The following NEB variants were observed in gnomAD, a reference collection of about 807,000 sequenced individuals.
NEB encodes nemaline myopathy type 2.
A neutral mutation model predicts 952.2 loss-of-function variants in NEB; 512 were observed. The observed-to-expected ratio is 0.54, with a 90% confidence interval of 0.50 to 0.58. NEB has a LOEUF of 0.58. Among genes scored for constraint, NEB ranks in the 20% least tolerant of loss-of-function variants. NEB has a pLI of 0.00. For missense variants in NEB, 8,428 were observed against 9,231.1 expected (o/e 0.91, Z 3.56); for synonymous variants, 2,900 against 3,149.8 (o/e 0.92, Z 2.66).
intron 57 of NEB, 59 bp from the exon 58 acceptor site, chr2:151,643,412 T>C: frequency 7.1e-7 from 1 of 1,404,806 alleles, no homozygotes; most frequent in East Asian, 2.4e-5. Context: ...TTTGTCATAA[T>C]TTGTCATAAT....
At chr2:151,640,695 C>G in intron 60 of NEB, 29 bp from the exon 61 acceptor site, 1 of 1,581,882 alleles carries the variant, frequency 6.3e-7, no homozygotes, top group Non-Finnish European at 8.6e-7. Context: ...AGATAGTCAT[C>G]TGTTTTAACT....
chr2:151,565,691 T>C, intron 115 of NEB, 25 bp downstream of exon 115: 4 of 1,598,336 alleles, frequency 2.5e-6, no homozygotes, highest in Non-Finnish European at 3.4e-6. Context: ...AGGCATAGGT[T>C]AGAAGGAGAA....
rs200304547 is a variant in NEB at position 151,526,011 on chromosome 2, G to A, written c.22108C>T (p.Pro7370Ser). 2.5e-6 allele frequency: 4 copies of A among 1,613,884 alleles called. No individual in the cohort carries two copies. The highest frequency in any genetic ancestry group is 2.5e-6 in the Non-Finnish European group (3 of 1,179,882). ...HLAQGSYTTL[P>S]ETRDTVHVKE... The stretch of plus-strand genomic sequence containing the variant: ...ACGTGAACAGTGTCCCGGGTCTCTG[G>A]TAGTGTTGTGTATGAGCCCTGTGCC... Residue 7370 changes from proline to serine, a missense_variant, in exon 150 of 182, where the codon CCA becomes TCA. Coordinates refer to ENST00000397345, the MANE Select transcript of NEB (RefSeq NM_001164508.2).
intron 39 of NEB, 128 bp from the exon 40 acceptor site, chr2:151,668,039 G>T: frequency 1.5e-6 from 1 of 660,100 alleles, no homozygotes; most frequent in Non-Finnish European, 2.5e-6. Context: ...TATGAAGTTA[G>T]GACTATTAGT....
intron 54 of NEB, among the ~76,000 whole-genome samples, chr2:151,649,218 T>C (rs1411477034): frequency 1.3e-5 from 2 of 152,186 alleles, no homozygotes; most frequent in East Asian, 3.8e-4. Flanking sequence ...TAAACATTCA[T>C]AATGAAGCTG....
At chr2:151,644,724 T>C (rs111919312) in intron 55 of NEB, 149 bp from the exon 56 acceptor site, 13 of 703,224 alleles carry the variant, frequency 1.8e-5, no homozygotes, top group African/African-American at 3.6e-5. Flanking sequence ...TGCCCATTGA[T>C]TGCTAATGAT....
Position 151,650,670 on chromosome 2 carries a change from A to G in NEB, c.7131T>C (p.Ser2377=). 1 of 1,613,906 alleles carries G rather than the reference A, an allele frequency of 6.2e-7. No homozygotes were observed. Among genetic ancestry groups the G allele is most frequent in the East Asian group, 2.2e-5 (1 of 44,876 alleles). ...GCAGGTAGTTCTTGTAGTCCACGTC[A>G]CTAACCAACTCCTGACACTTCTTGG... is the stretch of plus-strand genomic sequence containing the variant. ...VLAKKCQELV[S]DVDYKNYLHQ... is the part of the protein sequence containing the mutation. Residue 2377 remains serine (S), a synonymous_variant, in exon 53 of 182, where the codon AGT becomes AGC. Coordinates refer to ENST00000397345, the MANE Select transcript of NEB (RefSeq NM_001164508.2).
At chr2:151,577,703 T>C (rs748849840) in intron 105 of NEB, among the ~76,000 whole-genome samples, 2 of 152,072 alleles carry the variant, frequency 1.3e-5, no homozygotes, top group Non-Finnish European at 2.9e-5. Flanking sequence ...CTCAGCCTCC[T>C]GTGTAGCTGG....
In NEB at chr2:151,555,118, C is replaced by G. The variant is rs781003046; in HGVS notation, c.19315-74G>C. 1.8e-4 allele frequency: 199 copies of G among 1,093,196 alleles called. No homozygotes were observed. The Middle Eastern group carries it at 5.8e-3, about 32-fold the overall frequency. 67.7% of individuals were successfully genotyped at this position (1,093,196 alleles called of 1,614,324 possible). The stretch of plus-strand genomic sequence containing the variant: ...TTTATATTATTAAAACAGCATAAGA[C>G]TTAATGGGAAAAACCCGACTCTGAG... On this transcript the variant is annotated intron_variant, in intron 124 of 181. Coordinates refer to ENST00000397345, the MANE Select transcript of NEB (RefSeq NM_001164508.2).
At position 151,671,156 on chromosome 2, in the gene NEB, T is replaced by C. The variant is rs750676739; in HGVS notation, c.4373A>G (p.Glu1458Gly). Residue 1458 changes from glutamate (E) to glycine (G), a missense_variant, in exon 38 of 182, where the codon GAG (glutamate) becomes GGG (glycine). Glu to Gly is a moderately conservative substitution (Grantham distance 98, BLOSUM62 -2). This residue lies in a region of NEB where 2,851 missense variants were observed against 2,791.5 expected (regional missense o/e 1.02). Coordinates refer to ENST00000397345, the MANE Select transcript of NEB (RefSeq NM_001164508.2). ...TGCATCGCCTGCTTTCTTGACCTTC[T>C]CCACCTCCAGGGAACCAATAGGGAT... ...GWIPIGSLEV[E>G]KVKKAGDALN... 5.0e-6 allele frequency: 8 copies of C among 1,613,938 alleles called. No homozygotes were observed. Among genetic ancestry groups the C allele is most frequent in the Non-Finnish European group, 6.8e-6 (8 of 1,179,846 alleles).
At chr2:151,543,211 TTAATG>T (rs1311518697) in intron 135 of NEB, among the ~76,000 whole-genome samples, 1 of 152,296 alleles carries the variant, frequency 6.6e-6, no homozygotes, top group East Asian at 1.9e-4. Context: ...TTGAAGGAAT[TTAATG>T]TAATGCGGCA....
In NEB at chr2:151,631,193, C is replaced by A. The variant is rs781238222; in HGVS notation, c.9568G>T (p.Asp3190Tyr). The part of the protein sequence containing the change: ...PDKLKFTSVT[D>Y]SLEQVLAKNN... Reference sequence around the variant, plus strand: ...TTGGCCAGCACCTGCTCTAGAGAATCAGTCACACTGGTAAATTTCAGCTTG... The same window carrying A: ...TTGGCCAGCACCTGCTCTAGAGAATAAGTCACACTGGTAAATTTCAGCTTG... Residue 3190 changes from aspartate (D) to tyrosine (Y), a missense_variant, in exon 66 of 182, where the codon GAT becomes TAT. By Grantham distance (160) the Asp-to-Tyr change is radical. Transcript: ENST00000397345. 8.1e-6 allele frequency: 13 copies of A among 1,613,810 alleles called. No homozygotes were observed. The highest frequency in any genetic ancestry group is 3.3e-4 in the Middle Eastern group (2 of 6,084).
At chr2:151,612,865 T>C (rs1327197350) in intron 77 of NEB, among the ~76,000 whole-genome samples, 1 of 152,202 alleles carries the variant, frequency 6.6e-6, no homozygotes, top group African/African-American at 2.4e-5. Flanking sequence ...ACGACGTCTT[T>C]TTCGTATGCT....
intron 100 of NEB, 127 bp from the exon 101 acceptor site, chr2:151,583,893 T>C: frequency 1.4e-6 from 1 of 730,198 alleles, no homozygotes. Context: ...TTGGCAGTCA[T>C]TACATATTTC....
chr2:151,609,154 T>C lies in NEB; in HGVS notation c.12331-478A>G, dbSNP rs186846560. 3.8e-3 allele frequency among the ~76,000 whole-genome samples: 569 copies of C among 151,412 alleles called. 3 individuals are homozygous for C. Among genetic ancestry groups the C allele is most frequent in the African/African-American group, 0.011 (469 of 41,266 alleles). On this transcript the variant is annotated intron_variant, in intron 81 of 181. Transcript: ENST00000397345. ...TTAAGGGATGGAGTGCAATTGGAGA[T>C]TGCACTCCAGCCTGGGCAACGAGAG...
In NEB at chr2:151,545,914, G is replaced by C; in HGVS notation, c.20551C>G (p.Gln6851Glu). The change falls in exon 135 of 182, where the codon CAA becomes GAA. Residue 6851 changes from glutamine to glutamate, a missense_variant. Transcript: ENST00000397345. ...TCACTCAGATGTGTCTTCAGTTCTT[G>C]CACTTTTCTGTATTCTGGAGTGTCA... is the stretch of plus-strand genomic sequence containing the variant. ...VLDTPEYRKV[Q>E]ELKTHLSELV... The C allele has an allele frequency of 3.1e-6, 5 of 1,607,882 alleles. No individual in the cohort carries two copies. Among genetic ancestry groups the C allele is most frequent in the Non-Finnish European group, 4.2e-6 (5 of 1,176,888 alleles).
chr2:151,614,939 A>T (rs979004272), intron 76 of NEB, among the ~76,000 whole-genome samples: 1 of 152,242 alleles, frequency 6.6e-6, no homozygotes, highest in Non-Finnish European at 1.5e-5. Flanking sequence ...ATGGAAAATA[A>T]CAGTTATTTT....
chr2:151,542,995 T>C (rs2094263862), intron 135 of NEB, among the ~76,000 whole-genome samples: 1 of 152,198 alleles, frequency 6.6e-6, no homozygotes, highest in South Asian at 2.1e-4. Flanking sequence ...ACAGACTGTC[T>C]TTCCTGCCTT....
Position 151,688,332 on chromosome 2 carries a change from T to C in NEB, c.2375A>G (p.Gln792Arg), listed in dbSNP as rs993307668. The change falls in exon 25 of 182, where the codon CAG becomes CGG. Residue 792 changes from glutamine to arginine, a missense_variant. Gln to Arg is a conservative substitution (Grantham distance 43). Coordinates refer to ENST00000397345, the MANE Select transcript of NEB (RefSeq NM_001164508.2). ...FKCHIPADAP[Q>R]FIQHRVNAYN... The stretch of plus-strand genomic sequence containing the variant: ...GGCATTGACTCTGTGTTGGATAAAC[T>C]GTGGAGCATCTGCTGGTATATGGCA... 1.2e-6 allele frequency: 2 copies of C among 1,613,830 alleles called. No individual in the cohort carries two copies. Among genetic ancestry groups the C allele is most frequent in the Admixed American group, 3.3e-5 (2 of 59,996 alleles).
Sources: allele counts gnomAD v4.1 joint callset (sites outside exome capture counted in the v4.1 genomes callset), GRCh38; gene constraint gnomAD v4.1.1; regional missense constraint gnomAD v4.1.1; transcripts MANE v1.5; gene names NCBI Gene and HGNC (gene_info 2026-07-23, HGNC 2026-07-21).